GLI2: variants seen among roughly 807,000 people sequenced by gnomAD.
The protein encoded by GLI2 is GLI family zinc finger 2.
In GLI2, 22 loss-of-function variants were observed where a neutral mutation model predicts 78.9. The observed-to-expected ratio is 0.28, with a 90% CI of 0.20 to 0.40. The LOEUF is 0.40. GLI2 is among the 10% of genes least tolerant of loss of function. GLI2 has a pLI of 1.00. For missense variants in GLI2, 2,097 were observed against 2,213.2 expected, an observed-to-expected ratio of 0.95 and a Z score of 1.05; for synonymous variants, 974 against 963.7, an observed-to-expected ratio of 1.01 and a Z score of -0.20.
At chr2:120,973,494 C>G (rs998942516) in intron 8 of GLI2, among the ~76,000 whole-genome samples, 1 of 152,202 alleles carries the variant, frequency 6.6e-6, no homozygotes, top group African/African-American at 2.4e-5. Flanking sequence ...GGTTGTCCCC[C>G]CGTCGCTCAG....
chr2:120,880,784 T>C (rs1677073565), intron 2 of GLI2, among the ~76,000 whole-genome samples: 1 of 152,216 alleles, frequency 6.6e-6, no homozygotes. Context: ...TTTGAACTGC[T>C]TTTGAAAATT....
chr2:120,911,079 G>T (rs1474116406), intron 2 of GLI2, among the ~76,000 whole-genome samples: 2 of 152,170 alleles, frequency 1.3e-5, no homozygotes, highest in South Asian at 2.1e-4. Flanking sequence ...GAGAACAGGG[G>T]ATGAGTCGGG....
chr2:120,935,225 A>C (rs967036021), intron 3 of GLI2, among the ~76,000 whole-genome samples: 3 of 152,154 alleles, frequency 2.0e-5, no homozygotes, highest in Non-Finnish European at 2.9e-5. Context: ...CCCACCAGGC[A>C]ACTTGTCCTT....
chr2:120,780,451 G>A (rs1330342758), intron 1 of GLI2, among the ~76,000 whole-genome samples: 2 of 152,226 alleles, frequency 1.3e-5, no homozygotes, highest in African/African-American at 4.8e-5. Flanking sequence ...GAGGAAGGAA[G>A]GAGAGAGAGA....
At chr2:120,985,382 A>G (rs1160384266) in intron 12 of GLI2, among the ~76,000 whole-genome samples, 1 of 152,176 alleles carries the variant, frequency 6.6e-6, no homozygotes, top group Non-Finnish European at 1.5e-5. Context: ...TGGCCTTGGC[A>G]GCCGGAGTGG....
At chr2:120,837,176 C>T (rs1364806376) in intron 2 of GLI2, among the ~76,000 whole-genome samples, 1 of 152,040 alleles carries the variant, frequency 6.6e-6, no homozygotes, top group African/African-American at 2.4e-5. Flanking sequence ...GGGCGGATCA[C>T]GAGGTCAGGA....
chr2:120,806,275 G>A (rs547856594), intron 2 of GLI2, among the ~76,000 whole-genome samples: 7 of 152,280 alleles, frequency 4.6e-5, no homozygotes, highest in African/African-American at 1.4e-4. Flanking sequence ...TGGGGCACCC[G>A]GGCCTGGGTG....
At position 120,737,184 on chromosome 2, in the gene GLI2, C is replaced by CGGGGCG. The variant is rs1333034849; in HGVS notation, c.-31+909_-31+914dup. On this transcript the variant is annotated intron_variant, in intron 1 of 13. Coordinates refer to ENST00000361492, the MANE Select transcript of GLI2 (RefSeq NM_001374353.1). This position sits in a 1 kb window ranked among gnomAD's most constrained non-coding sequence, Gnocchi z 4.3. ...TAGAGAGGGGAGTCTTTTCCCCGGA[C>CGGGGCG]GGGGCGGGGGCGGGGAGCTGGGAGG... 6.6e-6 allele frequency among the ~76,000 whole-genome samples: 1 copy of CGGGGCG among 151,804 alleles called. No individual in the cohort carries two copies. Among genetic ancestry groups the CGGGGCG allele is most frequent in the Non-Finnish European group, 1.5e-5 (1 of 67,948 alleles).
chr2:120,949,300 T>C (rs577294687), intron 3 of GLI2, among the ~76,000 whole-genome samples: 8 of 152,204 alleles, frequency 5.3e-5, no homozygotes, highest in Non-Finnish European at 7.3e-5. Context: ...CGTCTTGAGG[T>C]TGTGACTTGT....
intron 3 of GLI2, among the ~76,000 whole-genome samples, chr2:120,938,294 G>A (rs1219291391): frequency 1.3e-5 from 2 of 152,252 alleles, no homozygotes; most frequent in African/African-American, 4.8e-5. Context: ...CTCCACCAAT[G>A]TCTTCACTTT....
At chr2:120,768,268 C>T (rs941689475) in intron 1 of GLI2, among the ~76,000 whole-genome samples, 7 of 152,172 alleles carry the variant, frequency 4.6e-5, no homozygotes, top group African/African-American at 7.2e-5. Context: ...ATGCGGTGGG[C>T]GGACTTATCC....
intron 1 of GLI2, among the ~76,000 whole-genome samples, chr2:120,742,447 T>C (rs1342157594): frequency 3.3e-5 from 5 of 152,170 alleles, no homozygotes; most frequent in Non-Finnish European, 5.9e-5. Context: ...TCAAGTACAC[T>C]TGTGCTAAGT....
chr2:120,976,105 G>GGTGA (rs1682445454), intron 9 of GLI2, among the ~76,000 whole-genome samples: 1 of 152,176 alleles, frequency 6.6e-6, no homozygotes, highest in African/African-American at 2.4e-5. Flanking sequence ...CATGCTCCTT[G>GGTGA]GTGAGTGAGT....
At position 120,988,990 on chromosome 2, in the gene GLI2, C is replaced by A; in HGVS notation, c.3025C>A (p.Pro1009Thr). ...CGGCCTGGCCCGCGGCGCCTACTCG[C>A]CCCGGCCGCCTAGCATCAGCGAGAA... ...DGGLARGAYS[P>T]RPPSISENVA... Residue 1009 changes from proline to threonine, a missense_variant, in exon 14 of 14, where the codon CCC becomes ACC. Transcript: ENST00000361492. 1 of 1,583,138 alleles carries A rather than the reference C, an allele frequency of 6.3e-7. No homozygotes were observed. The highest frequency in any genetic ancestry group is 8.5e-7 in the Non-Finnish European group (1 of 1,170,142).
intron 2 of GLI2, among the ~76,000 whole-genome samples, chr2:120,905,029 T>A (rs1678452334): frequency 1.3e-5 from 2 of 152,208 alleles, no homozygotes; most frequent in South Asian, 4.1e-4. Context: ...GACTGAAATG[T>A]GAGCAATGAA....
chr2:120,881,320 A>C (rs1312760630), intron 2 of GLI2, among the ~76,000 whole-genome samples: 1 of 152,118 alleles, frequency 6.6e-6, no homozygotes, highest in Non-Finnish European at 1.5e-5. Context: ...GTCCTGCTTG[A>C]ATGTCAGAGG....
At chr2:120,886,376 C>T (rs1677415803) in intron 2 of GLI2, among the ~76,000 whole-genome samples, 2 of 152,024 alleles carry the variant, frequency 1.3e-5, no homozygotes, top group Non-Finnish European at 2.9e-5. Flanking sequence ...AGCGATTCTC[C>T]CACCTCAGCC....
chr2:120,845,649 G>C (rs1366597377), intron 2 of GLI2, among the ~76,000 whole-genome samples: 1 of 152,194 alleles, frequency 6.6e-6, no homozygotes, highest in African/African-American at 2.4e-5. Context: ...TTCTTGTGCT[G>C]ACTTGGCTCA....
intron 2 of GLI2, among the ~76,000 whole-genome samples, chr2:120,829,450 C>T (rs1686250960): frequency 6.6e-6 from 1 of 152,152 alleles, no homozygotes; most frequent in African/African-American, 2.4e-5. Flanking sequence ...TGAGCCCCAG[C>T]CCAGCCACTT....
Sources: allele counts gnomAD v4.1 joint callset (sites outside exome capture counted in the v4.1 genomes callset), GRCh38; gene constraint gnomAD v4.1.1; non-coding constraint Gnocchi (gnomAD v3.1); transcripts MANE v1.5; gene names NCBI Gene and HGNC (gene_info 2026-07-23, HGNC 2026-07-21).